BCAS3: variants seen among roughly 807,000 people sequenced by gnomAD.
BCAS3 encodes the protein BCAS3 microtubule associated cell migration factor, also known as BCAS4/BCAS3 fusion.
BCAS3 carries 53 observed loss-of-function variants against 116.1 expected under a neutral mutation model. The ratio of observed to expected loss-of-function variants is 0.46; its 90% confidence interval spans 0.37 to 0.57. The LOEUF (loss-of-function observed/expected upper bound fraction) is 0.57, where lower values mean the gene tolerates loss of function less well. Among genes scored for constraint, BCAS3 ranks in the 20% least tolerant of loss-of-function variants. The pLI is 0.00. For missense variants in BCAS3, 917 were observed against 1,165.4 expected, an observed-to-expected ratio of 0.79 and a Z score of 3.10; for synonymous variants, 391 against 408.2, an observed-to-expected ratio of 0.96 and a Z score of 0.51.
intron 7 of BCAS3, among the ~76,000 whole-genome samples, chr17:60,809,724 A>G (rs1039805639): frequency 6.6e-6 from 1 of 152,200 alleles, no homozygotes; most frequent in Non-Finnish European, 1.5e-5. Flanking sequence ...CTTCATGCAT[A>G]TGCAGAGGAG....
At chr17:60,692,863 C>G (rs1033509399) in intron 4 of BCAS3, among the ~76,000 whole-genome samples, 1 of 58,020 alleles carries the variant, frequency 1.7e-5, no homozygotes, top group Non-Finnish European at 5.9e-5. Context: ...CCACTGCACT[C>G]CAGCCTGGGC....
At chr17:60,896,931 T>C (rs567815372) in intron 10 of BCAS3, among the ~76,000 whole-genome samples, 26 of 152,294 alleles carry the variant, frequency 1.7e-4, no homozygotes, top group African/African-American at 6.0e-4. Flanking sequence ...TTTGATGTTA[T>C]GGTTTGGTGG....
At chr17:60,709,466 T>G in intron 5 of BCAS3, 141 bp downstream of exon 5, 1 of 528,130 alleles carries the variant, frequency 1.9e-6, no homozygotes, top group Non-Finnish European at 3.4e-6. Flanking sequence ...CTCGGCTCAC[T>G]GCAACCTCTG....
At chr17:60,714,991 T>C (rs2144047617) in intron 5 of BCAS3, among the ~76,000 whole-genome samples, 1 of 152,272 alleles carries the variant, frequency 6.6e-6, no homozygotes, top group Admixed American at 6.5e-5. Flanking sequence ...ATTGACTCTT[T>C]TTTGGTGAGG....
chr17:60,826,632 G>A (rs1598980781), intron 7 of BCAS3, among the ~76,000 whole-genome samples: 1 of 152,070 alleles, frequency 6.6e-6, no homozygotes, highest in Admixed American at 6.6e-5. Flanking sequence ...TATTAAAATG[G>A]GGTTCTCTCC....
Position 61,220,619 on chromosome 17 carries a change from TC to T in BCAS3, c.2425+136061del, listed in dbSNP as rs1178681935. On this transcript the variant is annotated intron_variant, in intron 22 of 23. Transcript: ENST00000407086. This position sits in a 1 kb window ranked among gnomAD's most constrained non-coding sequence, Gnocchi z 4.5. ...GTAATACAATGACACTACATTGATTTCCCCCCTGTGGCGCCAAAGACAGTTC... is the reference window on the plus strand; with the variant it reads ...GTAATACAATGACACTACATTGATTTCCCCCTGTGGCGCCAAAGACAGTTC... 6.6e-6 allele frequency among the ~76,000 whole-genome samples: 1 copy of T among 151,992 alleles called. No homozygotes were observed. Among genetic ancestry groups the T allele is most frequent in the Non-Finnish European group, 1.5e-5 (1 of 68,002 alleles).
intron 6 of BCAS3, among the ~76,000 whole-genome samples, chr17:60,759,399 G>A (rs2043295360): frequency 6.6e-6 from 1 of 152,190 alleles, no homozygotes; most frequent in African/African-American, 2.4e-5. Flanking sequence ...TGGGTCTGAA[G>A]TCCAGTTTAA....
chr17:60,728,680 A>G (rs1390960738), intron 5 of BCAS3, among the ~76,000 whole-genome samples: 1 of 151,966 alleles, frequency 6.6e-6, no homozygotes, highest in African/African-American at 2.4e-5. Context: ...GGGTTTCACC[A>G]TGTTGGTCAG....
intron 13 of BCAS3, among the ~76,000 whole-genome samples, chr17:60,939,601 A>G (rs900939944): frequency 2.0e-5 from 3 of 152,210 alleles, no homozygotes; most frequent in African/African-American, 4.8e-5. Flanking sequence ...ATTAAATTCT[A>G]AAACAGGCAG....
rs533855092 is a variant in BCAS3, at chr17:61,376,208, A to G, written c.2593+7714A>G. Among the ~76,000 whole-genome samples, 1 of 152,258 alleles carries G rather than the reference A, an allele frequency of 6.6e-6. No homozygotes were observed. Among genetic ancestry groups the G allele is most frequent in the African/African-American group, 2.4e-5 (1 of 41,536 alleles). ...GTGGGCCTCTCAGGTCCCTTTCCCAAACCTGAGATTCTCTGATTCTAAGTG... is the reference window on the plus strand; with the variant it reads ...GTGGGCCTCTCAGGTCCCTTTCCCAGACCTGAGATTCTCTGATTCTAAGTG... On this transcript the variant is annotated intron_variant, in intron 23 of 23. Transcript: ENST00000407086. The surrounding 1 kb of genome is among the most constrained non-coding windows in gnomAD (Gnocchi z 4.5).
chr17:61,184,410 T>C (rs1689585096), intron 22 of BCAS3, among the ~76,000 whole-genome samples: 1 of 152,114 alleles, frequency 6.6e-6, no homozygotes, highest in Non-Finnish European at 1.5e-5. Flanking sequence ...AATGATACTG[T>C]GTACAACTAG....
intron 7 of BCAS3, chr17:60,810,984 G>C (rs558936614): frequency 1.5e-6 from 1 of 666,640 alleles, no homozygotes; most frequent in South Asian, 1.4e-5. Context: ...ACTAGTCTCA[G>C]CAGATTGAAG....
intron 14 of BCAS3, among the ~76,000 whole-genome samples, chr17:60,958,534 TCA>T (rs1157853754): frequency 2.6e-5 from 4 of 152,154 alleles, no homozygotes; most frequent in African/African-American, 9.7e-5. Flanking sequence ...AAAATATTGC[TCA>T]GAGTAAAGAC....
Position 61,364,246 on chromosome 17 carries a change from A to C in BCAS3, c.2426-4081A>C, listed in dbSNP as rs902843170. Among the ~76,000 whole-genome samples the C allele has an allele frequency of 6.6e-6, 1 of 152,172 alleles. No individual in the cohort carries two copies. Among genetic ancestry groups the C allele is most frequent in the Non-Finnish European group, 1.5e-5 (1 of 68,018 alleles). On this transcript the variant is annotated intron_variant, in intron 22 of 23. Transcript: ENST00000407086. The surrounding 1 kb of genome is among the most constrained non-coding windows in gnomAD (Gnocchi z 5.4). ...GCGCATGCGAAGAGAGAACAGACCC[A>C]CTATCAAATTGTGTTTCTCCTGTGT...
At chr17:60,687,055 A>T (rs890221586) in intron 3 of BCAS3, among the ~76,000 whole-genome samples, 3 of 152,246 alleles carry the variant, frequency 2.0e-5, no homozygotes, top group Non-Finnish European at 4.4e-5. Context: ...CAAATAAGAC[A>T]ACATACAGAA....
intron 7 of BCAS3, among the ~76,000 whole-genome samples, chr17:60,816,751 T>G (rs372022714): frequency 4.2e-4 from 64 of 152,280 alleles, no homozygotes; most frequent in African/African-American, 1.5e-3. Flanking sequence ...TTGGGGTGGT[T>G]TTGTTATGTC....
Position 61,327,954 on chromosome 17 carries a change from T to C in BCAS3, c.2426-40373T>C, listed in dbSNP as rs1214159569. On this transcript the variant is annotated intron_variant, in intron 22 of 23. Coordinates refer to ENST00000407086, the MANE Select transcript of BCAS3 (RefSeq NM_017679.5). This position sits in a 1 kb window ranked among gnomAD's most constrained non-coding sequence, Gnocchi z 5.9. Reference sequence around the variant, plus strand: ...TGGAAGGCAGTTTGGTAGTAACCATTATACATTAATAGTTTATTCTTTTTC... The same window carrying C: ...TGGAAGGCAGTTTGGTAGTAACCATCATACATTAATAGTTTATTCTTTTTC... Among the ~76,000 whole-genome samples, 1 of 152,232 alleles carries C rather than the reference T, an allele frequency of 6.6e-6. No individual in the cohort carries two copies. The highest frequency in any genetic ancestry group is 1.5e-5 in the Non-Finnish European group (1 of 68,046).
chr17:61,216,161 A>G (rs1415569490), intron 22 of BCAS3, among the ~76,000 whole-genome samples: 2 of 152,192 alleles, frequency 1.3e-5, no homozygotes, highest in Non-Finnish European at 2.9e-5. Flanking sequence ...TGAATTTTCT[A>G]TTCCCATTTC....
intron 13 of BCAS3, among the ~76,000 whole-genome samples, chr17:60,936,779 A>G (rs2059953319): frequency 6.6e-6 from 1 of 152,062 alleles, no homozygotes. Context: ...AGATGAGTAG[A>G]TTGCAAAAAT....
Sources: allele counts gnomAD v4.1 joint callset (sites outside exome capture counted in the v4.1 genomes callset), GRCh38; gene constraint gnomAD v4.1.1; non-coding constraint Gnocchi (gnomAD v3.1); transcripts MANE v1.5; gene names NCBI Gene and HGNC (gene_info 2026-07-23, HGNC 2026-07-21).